The following PRKG2 variants were observed in gnomAD, a reference collection of about 807,000 sequenced individuals.
PRKG2 encodes the protein protein kinase cGMP-dependent 2, also known as cGMP-dependent protein kinase 2.
Under a neutral mutation model 97.2 loss-of-function variants are expected in PRKG2, and 33 were observed. The observed-to-expected ratio is 0.34, with a 90% CI of 0.26 to 0.45. The LOEUF is 0.45. PRKG2 is among the 20% of genes least tolerant of loss of function. The pLI, the probability that PRKG2 is intolerant of heterozygous loss-of-function variation, is 1.00. For missense variants in PRKG2, 638 were observed against 900.0 expected (o/e 0.71, Z 3.73); for synonymous variants, 330 against 321.8 (o/e 1.03, Z -0.27).
chr4:81,124,002 A>G (rs375020615), intron 14 of PRKG2, among the ~76,000 whole-genome samples: 2 of 152,242 alleles, frequency 1.3e-5, no homozygotes, highest in East Asian at 3.9e-4. Flanking sequence ...TTTATGCCAT[A>G]ATTTTTTAAC....
At chr4:81,133,614 G>A (rs1267077864) in intron 14 of PRKG2, among the ~76,000 whole-genome samples, 1 of 152,100 alleles carries the variant, frequency 6.6e-6, no homozygotes, top group Admixed American at 6.6e-5. Flanking sequence ...TAGACATTTT[G>A]TAGTAAGAGG....
chr4:81,163,846 T>C (rs1414932510), intron 6 of PRKG2, among the ~76,000 whole-genome samples: 1 of 147,806 alleles, frequency 6.8e-6, no homozygotes, highest in Non-Finnish European at 1.5e-5. Context: ...ACTGATGATA[T>C]ACAACCAGAT....
At chr4:81,165,472 G>A (rs1217626276) in intron 6 of PRKG2, among the ~76,000 whole-genome samples, 8 of 152,124 alleles carry the variant, frequency 5.3e-5, no homozygotes, top group African/African-American at 1.9e-4. Context: ...ATGCAGTAGT[G>A]ATTGGCTGTT....
chr4:81,094,134 G>A (rs1741880937), intron 17 of PRKG2, among the ~76,000 whole-genome samples: 1 of 152,154 alleles, frequency 6.6e-6, no homozygotes, highest in African/African-American at 2.4e-5. Flanking sequence ...TCCTCTTCCT[G>A]TCAGGAAAGA....
intron 1 of PRKG2, among the ~76,000 whole-genome samples, chr4:81,214,173 A>G (rs1024862784): frequency 2.0e-5 from 3 of 148,346 alleles, no homozygotes; most frequent in African/African-American, 7.4e-5. Flanking sequence ...AAAAAAAAGA[A>G]GGAGAAGAAG....
intron 2 of PRKG2, among the ~76,000 whole-genome samples, chr4:81,199,466 C>T (rs774320527): frequency 7.2e-5 from 11 of 152,054 alleles, no homozygotes; most frequent in Admixed American, 2.6e-4. Flanking sequence ...ATCTGGACAG[C>T]GGGTTTTCTG....
rs58414299 is a variant in PRKG2, at chr4:81,205,206, GAA to G, written c.-13-148_-13-147del. The G allele has an allele frequency of 5.8e-3, 2,744 of 473,980 alleles. 1 individual carries two copies. The highest frequency in any genetic ancestry group is 9.4e-3 in the Middle Eastern group (17 of 1,808). The allele number at this position is 473,980 out of a possible 1,614,324, so 29.4% of individuals were successfully genotyped here. ...AGCAATAAACTTCCCGAAGTTTCCAGAAAAAAAAAAAAAGCTATCTATTGATT... is the reference window on the plus strand; with the variant it reads ...AGCAATAAACTTCCCGAAGTTTCCAGAAAAAAAAAAAGCTATCTATTGATT... On this transcript the variant is annotated intron_variant, in intron 1 of 18. Transcript: ENST00000264399.
At chr4:81,110,886 G>A (rs34850867) in intron 14 of PRKG2, among the ~76,000 whole-genome samples, 4,176 of 150,818 alleles carry the variant, frequency 0.028, 145 homozygotes, top group Non-Finnish European at 0.037. Context: ...CTCTGCCCAC[G>A]ACCCCTAGAG....
chr4:81,104,346 CTGGGCAAAGAAATAATTA>C lies in PRKG2; in HGVS notation c.2126+6_2126+23del, dbSNP rs765465678. 6.7e-7 allele frequency: 1 copy of C among 1,489,948 alleles called. No individual in the cohort carries two copies. The highest frequency in any genetic ancestry group is 2.5e-5 in the East Asian group (1 of 39,520). The allele number at this position is 1,489,948 out of a possible 1,614,324, so 92.3% of individuals were successfully genotyped here. On this transcript the variant is annotated splice_donor_region_variant and intron_variant, in intron 17 of 18. Transcript: ENST00000264399. ...TTGTTCTCTAAATTTCTATATTTTT[CTGGGCAAAGAAATAATTA>C]TGTACCTGTGTTTCTTAATGTCATT...
rs1578411824 is a variant in PRKG2, at chr4:81,142,787, C to T, written c.1407+7G>A. 1 of 1,559,038 alleles carries T rather than the reference C, an allele frequency of 6.4e-7. No individual in the cohort carries two copies. The highest frequency in any genetic ancestry group is 8.7e-7 in the Non-Finnish European group (1 of 1,145,922). Reference sequence around the variant, plus strand: ...TCTCTCAGATGCTTGAAACGTAAACCCCTTACAAGCTCAACTCTTCCGAAC... The same window carrying T: ...TCTCTCAGATGCTTGAAACGTAAACTCCTTACAAGCTCAACTCTTCCGAAC... On this transcript the variant is annotated splice_region_variant and intron_variant, in intron 11 of 18. Transcript: ENST00000264399.
intron 1 of PRKG2, among the ~76,000 whole-genome samples, chr4:81,206,954 T>C (rs1753711900): frequency 6.6e-6 from 1 of 152,238 alleles, no homozygotes; most frequent in African/African-American, 2.4e-5. Context: ...AAAGTGGTCA[T>C]TAATAAACAT....
chr4:81,203,545 AAT>A (rs1183829428), intron 2 of PRKG2, among the ~76,000 whole-genome samples: 4 of 152,214 alleles, frequency 2.6e-5, no homozygotes, highest in African/African-American at 9.6e-5. Context: ...TGCATTTTGC[AAT>A]AGAGATTCAG....
intron 12 of PRKG2, among the ~76,000 whole-genome samples, chr4:81,139,810 CA>C (rs1747094541): frequency 7.1e-6 from 1 of 140,612 alleles, no homozygotes; most frequent in African/African-American, 2.6e-5. Context: ...AGAATCAAAA[CA>C]ACTGGAAAAC....
intron 17 of PRKG2, among the ~76,000 whole-genome samples, chr4:81,093,790 G>T (rs1224657941): frequency 6.6e-6 from 1 of 152,104 alleles, no homozygotes; most frequent in Non-Finnish European, 1.5e-5. Flanking sequence ...AAGCTTGATG[G>T]TCTAGAAATA....
intron 11 of PRKG2, among the ~76,000 whole-genome samples, chr4:81,141,756 T>C (rs1390846974): frequency 2.0e-5 from 3 of 152,120 alleles, no homozygotes; most frequent in Non-Finnish European, 4.4e-5. Context: ...GTTAATTGAA[T>C]CCTTTTGCCA....
chr4:81,168,549 G>GT (rs1356008346), intron 5 of PRKG2, among the ~76,000 whole-genome samples: 2 of 151,998 alleles, frequency 1.3e-5, no homozygotes, highest in Admixed American at 6.6e-5. Flanking sequence ...TGGCCCTTAC[G>GT]TAAGTGTGGC....
At chr4:81,181,480 G>T (rs1420291542) in intron 2 of PRKG2, among the ~76,000 whole-genome samples, 1 of 151,182 alleles carries the variant, frequency 6.6e-6, no homozygotes, top group African/African-American at 2.4e-5. Context: ...ACTAGAAAAA[G>T]TAAGTTGAAC....
intron 17 of PRKG2, among the ~76,000 whole-genome samples, chr4:81,093,500 T>C (rs1741808915): frequency 1.3e-5 from 2 of 152,078 alleles, no homozygotes; most frequent in African/African-American, 4.8e-5. Flanking sequence ...TTACTTTCTA[T>C]CTCCCCACTA....
intron 17 of PRKG2, among the ~76,000 whole-genome samples, chr4:81,101,668 T>C (rs943131292): frequency 1.3e-5 from 2 of 150,910 alleles, no homozygotes; most frequent in Non-Finnish European, 2.9e-5. Context: ...TATACATATG[T>C]AACTAACATG....
Sources: gnomAD v4.1 joint callset for allele counts (sites outside exome capture counted in the v4.1 genomes callset) on GRCh38, gnomAD v4.1.1 for gene constraint, MANE v1.5 for transcripts, NCBI Gene and HGNC (gene_info 2026-07-23, HGNC 2026-07-21) for gene names.